PEAK1: variants seen among roughly 807,000 people sequenced by gnomAD.
The protein encoded by PEAK1 is inactive tyrosine-protein kinase PEAK1.
Under a neutral mutation model 124.7 loss-of-function variants are expected in PEAK1, and 54 were observed. The ratio of observed to expected loss-of-function variants is 0.43; its 90% CI spans 0.35 to 0.54. PEAK1 has a LOEUF of 0.54. PEAK1 is among the 20% of genes least tolerant of loss of function. The pLI is 0.01. For synonymous variants in PEAK1, 719 were observed against 760.0 expected, an observed-to-expected ratio of 0.95 and a Z score of 0.89; for missense variants, 2,046 against 2,134.5, an observed-to-expected ratio of 0.96 and a Z score of 0.82.
chr15:77,135,669 G>A (rs185238056), intron 8 of PEAK1, among the ~76,000 whole-genome samples: 57 of 152,258 alleles, frequency 3.7e-4, no homozygotes, highest in African/African-American at 1.2e-3. Context: ...GGTCTTTCCC[G>A]TACTGTTCTC....
intron 1 of PEAK1, among the ~76,000 whole-genome samples, chr15:77,408,184 C>T (rs1354090337): frequency 1.3e-5 from 2 of 151,584 alleles, no homozygotes; most frequent in African/African-American, 4.9e-5. Flanking sequence ...CACACACACA[C>T]ACACCCTGGA....
chr15:77,103,981 G>A (rs1022953130), downstream of PEAK1: 1 of 152,504 alleles, frequency 6.6e-6, no homozygotes, highest in Non-Finnish European at 1.5e-5. Context: ...GCCCACATCA[G>A]GAAGCACTCC....
chr15:77,174,538 A>G (rs906456739), intron 7 of PEAK1, among the ~76,000 whole-genome samples: 1 of 152,106 alleles, frequency 6.6e-6, no homozygotes, highest in African/African-American at 2.4e-5. Flanking sequence ...AATGGTATAT[A>G]TTTTTCAATG....
chr15:77,238,869 G>A (rs2060237848), intron 6 of PEAK1, among the ~76,000 whole-genome samples: 1 of 152,150 alleles, frequency 6.6e-6, no homozygotes, highest in Admixed American at 6.5e-5. Flanking sequence ...TTGTCCAGGA[G>A]GCTAGACATA....
At chr15:77,313,708 ATGTGTGTGTGTGTGTG>A (rs1216011901) in intron 2 of PEAK1, among the ~76,000 whole-genome samples, 1 of 93,774 alleles carries the variant, frequency 1.1e-5, no homozygotes, top group African/African-American at 4.2e-5. Context: ...ATATATATGT[ATGTGTGTGTGTGTGTG>A]TGTATATATA....
Position 77,111,066 on chromosome 15 carries a change from A to C in PEAK1, c.*3090T>G, listed in dbSNP as rs935084992. Reference sequence around the variant, plus strand: ...AGATTGTTCATGCTCATGTGGCTTAAGGAAAAGTTCCAATAGGAGCTTAAT... The same window carrying C: ...AGATTGTTCATGCTCATGTGGCTTACGGAAAAGTTCCAATAGGAGCTTAAT... On this transcript the variant is annotated 3_prime_UTR_variant, in exon 10 of 10. Transcript: ENST00000682557. 2 of 152,258 alleles carry C rather than the reference A, an allele frequency of 1.3e-5. No individual in the cohort carries two copies. The highest frequency in any genetic ancestry group is 2.9e-5 in the Non-Finnish European group (2 of 68,046). The allele number at this position is 152,258 out of a possible 1,614,324, so 9.4% of individuals were successfully genotyped here.
At chr15:77,263,229 T>C (rs12912758) in intron 5 of PEAK1, among the ~76,000 whole-genome samples, 11,733 of 151,896 alleles carry the variant, frequency 0.077, 578 homozygotes, top group Non-Finnish European at 0.1. Context: ...CAAAAGCTAG[T>C]AGAAGGCAAG....
At chr15:77,347,364 G>A in intron 2 of PEAK1, 1 of 985,346 alleles carries the variant, frequency 1.0e-6, no homozygotes, top group Non-Finnish European at 1.2e-6. Flanking sequence ...ATGCCACAGA[G>A]GAAGAGGTTT....
At chr15:77,294,189 A>G (rs549504861) in intron 2 of PEAK1, among the ~76,000 whole-genome samples, 1 of 152,300 alleles carries the variant, frequency 6.6e-6, no homozygotes, top group East Asian at 1.9e-4. Context: ...GAAAGCTGAG[A>G]CTGGCTTTGT....
At chr15:77,213,480 C>G (rs113267384) in intron 6 of PEAK1, among the ~76,000 whole-genome samples, 2,332 of 152,054 alleles carry the variant, frequency 0.015, 69 homozygotes, top group African/African-American at 0.053. Context: ...CACGAAGACA[C>G]GAGTTCAAGA....
At chr15:77,164,884 G>A (rs1398029941) in intron 7 of PEAK1, among the ~76,000 whole-genome samples, 1 of 152,038 alleles carries the variant, frequency 6.6e-6, no homozygotes, top group East Asian at 1.9e-4. Flanking sequence ...ACCCAGGAAG[G>A]ATGTTGAACA....
At chr15:77,354,886 A>G (rs536392284) in intron 2 of PEAK1, among the ~76,000 whole-genome samples, 9 of 152,176 alleles carry the variant, frequency 5.9e-5, no homozygotes, top group Middle Eastern at 3.4e-3. Context: ...AAAAATACAA[A>G]AAATTAGCCG....
chr15:77,309,755 T>G (rs966862538), intron 2 of PEAK1, among the ~76,000 whole-genome samples: 4 of 152,206 alleles, frequency 2.6e-5, no homozygotes, highest in African/African-American at 9.6e-5. Context: ...TGCATATTTT[T>G]TATTTGCCAT....
At chr15:77,231,243 T>G (rs2059898859) in intron 6 of PEAK1, among the ~76,000 whole-genome samples, 1 of 152,274 alleles carries the variant, frequency 6.6e-6, no homozygotes, top group Admixed American at 6.5e-5. Context: ...TCTTGCAATA[T>G]AAATTCAGTA....
chr15:77,210,715 A>G (rs2058864768), intron 6 of PEAK1, among the ~76,000 whole-genome samples: 1 of 152,198 alleles, frequency 6.6e-6, no homozygotes, highest in Non-Finnish European at 1.5e-5. Context: ...CCCCATCTCT[A>G]GTAAAAATAC....
At chr15:77,119,615 C>G (rs2051727844) in intron 9 of PEAK1, among the ~76,000 whole-genome samples, 1 of 152,158 alleles carries the variant, frequency 6.6e-6, no homozygotes, top group Non-Finnish European at 1.5e-5. Flanking sequence ...AGCCAAATTA[C>G]CCTCTCCTGA....
intron 8 of PEAK1, among the ~76,000 whole-genome samples, chr15:77,136,828 C>T (rs922750442): frequency 1.3e-5 from 2 of 152,076 alleles, no homozygotes; most frequent in Non-Finnish European, 2.9e-5. Context: ...AAGGTTAATC[C>T]CCAAGACAAT....
In PEAK1 at chr15:77,114,503, A is replaced by C; in HGVS notation, c.4894T>G (p.Ser1632Ala). Reference sequence around the variant, plus strand: ...TGCTGCAGACCCCGGGAGTAGGGGGAGCGGAATGGGATGCGAGGCAGGTCT... The same window carrying C: ...TGCTGCAGACCCCGGGAGTAGGGGGCGCGGAATGGGATGCGAGGCAGGTCT... ...RADLPRIPFR[S>A]PYSRGLQQLA... Residue 1632 changes from serine to alanine, a missense_variant, in exon 10 of 10, where the codon TCC becomes GCC. By Grantham distance (99) the Ser-to-Ala change is moderately conservative (BLOSUM62 1). Transcript: ENST00000682557. The C allele has an allele frequency of 6.2e-7, 1 of 1,613,894 alleles. No individual in the cohort carries two copies. Among genetic ancestry groups the C allele is most frequent in the Non-Finnish European group, 8.5e-7 (1 of 1,179,940 alleles).
In PEAK1 at chr15:77,133,693, A is replaced by G. The variant is rs1490225797; in HGVS notation, c.3389T>C (p.Val1130Ala). Residue 1130 changes from valine to alanine, a missense_variant, in exon 9 of 10, where the codon GTG becomes GCG. Val to Ala is a moderately conservative substitution (Grantham distance 64, BLOSUM62 0). Coordinates refer to ENST00000682557, the MANE Select transcript of PEAK1 (RefSeq NM_001385026.1). This position sits in a 1 kb window ranked among gnomAD's most constrained non-coding sequence, Gnocchi z 4.2. ...PKQPRQPKGA[V>A]DDAIAFGGKT... ...CCCTCCAAAGGCGATGGCATCGTCCACAGCTCCCTTGGGCTGTCGTGGCTG... is the reference window on the plus strand; with the variant it reads ...CCCTCCAAAGGCGATGGCATCGTCCGCAGCTCCCTTGGGCTGTCGTGGCTG... The G allele has an allele frequency of 6.2e-7, 1 of 1,614,028 alleles. No homozygotes were observed. Among genetic ancestry groups the G allele is most frequent in the South Asian group, 1.1e-5 (1 of 91,058 alleles).
Sources: allele counts gnomAD v4.1 joint callset (sites outside exome capture counted in the v4.1 genomes callset), GRCh38; gene constraint gnomAD v4.1.1; non-coding constraint Gnocchi (gnomAD v3.1); transcripts MANE v1.5; gene names NCBI Gene and HGNC (gene_info 2026-07-23, HGNC 2026-07-21).